KCNH1: variants seen among roughly 807,000 people sequenced by gnomAD.
The protein encoded by KCNH1 is potassium voltage-gated channel subfamily H member 1.
Under a neutral mutation model 69.2 loss-of-function variants are expected in KCNH1, and 27 were observed. That is an observed-to-expected ratio of 0.39 (90% confidence interval 0.29 to 0.54). The LOEUF is 0.54. Ranked by LOEUF, KCNH1 falls within the 20% of genes least tolerant of loss-of-function variation. The pLI is 0.68. For missense variants in KCNH1, 798 were observed against 1,261.6 expected (o/e 0.63, Z 5.57); for synonymous variants, 456 against 487.7 (o/e 0.93, Z 0.86).
chr1:210,878,258 C>T (rs1029375651), intron 7 of KCNH1, among the ~76,000 whole-genome samples: 13 of 151,884 alleles, frequency 8.6e-5, no homozygotes, highest in African/African-American at 2.4e-4. Context: ...GAATCAGTAA[C>T]GATACCATTG....
At chr1:210,826,675 A>G (rs1685038117) in intron 7 of KCNH1, among the ~76,000 whole-genome samples, 1 of 152,232 alleles carries the variant, frequency 6.6e-6, no homozygotes, top group African/African-American at 2.4e-5. Flanking sequence ...TCTAAGAAGT[A>G]TTTTTCTTCT....
chr1:210,807,669 A>G (rs909416490), intron 7 of KCNH1, among the ~76,000 whole-genome samples: 1 of 152,072 alleles, frequency 6.6e-6, no homozygotes, highest in African/African-American at 2.4e-5. Flanking sequence ...CAGAAATGGA[A>G]TCACACAGTA....
chr1:210,920,132 GC>G, intron 6 of KCNH1, 63 bp from the exon 7 acceptor site: 1 of 1,422,176 alleles, frequency 7.0e-7, no homozygotes. Context: ...CGTCCCCTCC[GC>G]CCCACTTGGG....
chr1:210,987,084 G>T (rs1488008385), intron 6 of KCNH1, among the ~76,000 whole-genome samples: 1 of 152,086 alleles, frequency 6.6e-6, no homozygotes, highest in Non-Finnish European at 1.5e-5. Flanking sequence ...ATCAGCTACC[G>T]AGGCTTGTGC....
intron 9 of KCNH1, among the ~76,000 whole-genome samples, chr1:210,790,440 C>A (rs1228632654): frequency 6.6e-6 from 1 of 152,212 alleles, no homozygotes; most frequent in Non-Finnish European, 1.5e-5. Context: ...TTGCTCCCCA[C>A]ATCCTGCTTA....
At chr1:210,762,944 C>G (rs1023169700) in intron 10 of KCNH1, among the ~76,000 whole-genome samples, 12 of 152,072 alleles carry the variant, frequency 7.9e-5, no homozygotes, top group African/African-American at 2.4e-4. Flanking sequence ...AGATCAATAT[C>G]TCTGATGAAC....
At chr1:210,905,364 C>T (rs1687080064) in intron 7 of KCNH1, among the ~76,000 whole-genome samples, 1 of 152,168 alleles carries the variant, frequency 6.6e-6, no homozygotes, top group South Asian at 2.1e-4. Flanking sequence ...CTATCATCAA[C>T]ATTGTCATTA....
intron 5 of KCNH1, among the ~76,000 whole-genome samples, chr1:211,046,006 G>C (rs1337887344): frequency 1.3e-5 from 2 of 152,090 alleles, no homozygotes; most frequent in Non-Finnish European, 2.9e-5. Flanking sequence ...GATCACAAAT[G>C]GCAGGATTTG....
chr1:210,877,573 C>A (rs1558507849), intron 7 of KCNH1, among the ~76,000 whole-genome samples: 1 of 152,172 alleles, frequency 6.6e-6, no homozygotes, highest in Non-Finnish European at 1.5e-5. Flanking sequence ...AAGTTCCTCT[C>A]AAAATCTGCT....
In KCNH1 at chr1:211,082,855, G is replaced by A. The variant is rs753827171; in HGVS notation, c.483C>T (p.Ser161=). Residue 161 remains serine (S), a synonymous_variant, in exon 5 of 11, where the codon AGC becomes AGT. Coordinates refer to ENST00000271751, the MANE Select transcript of KCNH1 (RefSeq NM_172362.3). ...FARLTRALTS[S]RGVLQQLAPS... Reference sequence around the variant, plus strand: ...GAGCCAGCTGCTGCAGGACACCCCTGCTGCTTGTCAGTGCTCTTGTCAGCC... The same window carrying A: ...GAGCCAGCTGCTGCAGGACACCCCTACTGCTTGTCAGTGCTCTTGTCAGCC... The A allele has an allele frequency of 6.2e-7, 1 of 1,614,118 alleles. No individual in the cohort carries two copies. The highest frequency in any genetic ancestry group is 1.1e-5 in the South Asian group (1 of 91,072).
chr1:210,759,476 G>A (rs1052602276), intron 10 of KCNH1, among the ~76,000 whole-genome samples: 4 of 151,896 alleles, frequency 2.6e-5, no homozygotes, highest in African/African-American at 7.3e-5. Context: ...AAAAATGAAA[G>A]CAAGACTCTG....
At position 210,719,135 on chromosome 1, in the gene KCNH1, C is replaced by G. The variant is rs185500633; in HGVS notation, c.2113-34997G>C. On this transcript the variant is annotated intron_variant, in intron 10 of 10. Coordinates refer to ENST00000271751, the MANE Select transcript of KCNH1 (RefSeq NM_172362.3). ...TTAAATAAAATTAACAAGGCATTAG[C>G]TCAGTTGCATTAGCCACATTTCAAG... is the stretch of plus-strand genomic sequence containing the variant. Among the ~76,000 whole-genome samples, 3 of 152,206 alleles carry G rather than the reference C, an allele frequency of 2.0e-5. No homozygotes were observed. The East Asian group carries it at 5.8e-4, about 29-fold the overall frequency.
chr1:210,968,082 T>A (rs954774089), intron 6 of KCNH1, among the ~76,000 whole-genome samples: 3 of 150,824 alleles, frequency 2.0e-5, no homozygotes, highest in African/African-American at 7.3e-5. Flanking sequence ...GTGATCTCAC[T>A]GTTCAGTTCC....
At chr1:210,959,379 C>T (rs974106887) in intron 6 of KCNH1, among the ~76,000 whole-genome samples, 2 of 152,168 alleles carry the variant, frequency 1.3e-5, no homozygotes, top group African/African-American at 2.4e-5. Context: ...GGGCCAGGGA[C>T]CCACTTGAGG....
intron 10 of KCNH1, among the ~76,000 whole-genome samples, chr1:210,743,640 G>A (rs1683086581): frequency 1.3e-5 from 2 of 152,180 alleles, no homozygotes; most frequent in Admixed American, 1.3e-4. Flanking sequence ...GACTGACACA[G>A]CCTCTGGCCT....
intron 5 of KCNH1, among the ~76,000 whole-genome samples, chr1:211,053,331 A>G (rs1479859176): frequency 1.3e-5 from 2 of 152,220 alleles, no homozygotes; most frequent in Non-Finnish European, 2.9e-5. Flanking sequence ...AACACATTGA[A>G]ACATAACAGA....
intron 6 of KCNH1, among the ~76,000 whole-genome samples, chr1:210,994,891 C>T (rs529746223): frequency 4.9e-4 from 74 of 152,196 alleles, no homozygotes; most frequent in Middle Eastern, 6.8e-3. Context: ...TGTTTCCTCA[C>T]GTATAAAAAT....
At chr1:210,740,704 ATTTTTTTTTTTTTT>A (rs199727493) in intron 10 of KCNH1, among the ~76,000 whole-genome samples, 2 of 117,264 alleles carry the variant, frequency 1.7e-5, no homozygotes, top group Admixed American at 8.9e-5. Flanking sequence ...TTATGATTAA[ATTTTTTTTTTTTTT>A]TTTTTTTTTT....
intron 7 of KCNH1, among the ~76,000 whole-genome samples, chr1:210,834,955 AGCTACCTTGTATG>A (rs1685250386): frequency 6.6e-6 from 1 of 152,186 alleles, no homozygotes; most frequent in Non-Finnish European, 1.5e-5. Flanking sequence ...TAGCTAAGAC[AGCTACCTTGTATG>A]GCTGACAGAG....
Sources: gnomAD v4.1 joint callset for allele counts (sites outside exome capture counted in the v4.1 genomes callset) on GRCh38, gnomAD v4.1.1 for gene constraint, MANE v1.5 for transcripts, NCBI Gene and HGNC (gene_info 2026-07-23, HGNC 2026-07-21) for gene names.